HKDC1: variants seen among roughly 807,000 people sequenced by gnomAD.
HKDC1 encodes hexokinase domain containing 1.
Under a neutral mutation model 96.6 loss-of-function variants are expected in HKDC1, and 66 were observed. The ratio of observed to expected loss-of-function variants is 0.68; its 90% CI spans 0.56 to 0.84. The LOEUF (loss-of-function observed/expected upper bound fraction) is 0.84, where lower values mean the gene tolerates loss of function less well. HKDC1 is among the 40% of genes least tolerant of loss of function. The probability of loss-of-function intolerance (pLI) is 0.00; values close to 1 mark genes in which losing one functional copy is unlikely to be tolerated. For synonymous variants in HKDC1, 466 were observed against 473.1 expected, an observed-to-expected ratio of 0.98 and a Z score of 0.20; for missense variants, 1,211 against 1,208.1, an observed-to-expected ratio of 1.00 and a Z score of -0.04.
intron 15 of HKDC1, among the ~76,000 whole-genome samples, chr10:69,259,381 G>A (rs902622772): frequency 6.6e-6 from 1 of 152,190 alleles, no homozygotes; most frequent in African/African-American, 2.4e-5. Flanking sequence ...GAGAGTGCTG[G>A]TTCTCGACCA....
intron 12 of HKDC1, among the ~76,000 whole-genome samples, chr10:69,252,973 C>T (rs1264914432): frequency 4.3e-5 from 6 of 140,272 alleles, no homozygotes; most frequent in Non-Finnish European, 7.8e-5. Context: ...CATCTCTAAA[C>T]GTGTGTGTGT....
In HKDC1 at chr10:69,265,837, C is replaced by A; in HGVS notation, c.2606+19C>A. On this transcript the variant is annotated intron_variant, in intron 17 of 17. Transcript: ENST00000354624. ...ACCCTCAGTGAGTGCCCACAAGAGG[C>A]GTGGCGGGTGGGGCTGGGGAGGGCT... 1 of 856,380 alleles carries A rather than the reference C, an allele frequency of 1.2e-6. No homozygotes were observed. The highest frequency in any genetic ancestry group is 1.8e-6 in the Non-Finnish European group (1 of 551,558). 53.0% of individuals were successfully genotyped at this position (856,380 alleles called of 1,614,324 possible).
At chr10:69,253,483 G>A (rs192565355) in intron 12 of HKDC1, among the ~76,000 whole-genome samples, 1 of 152,194 alleles carries the variant, frequency 6.6e-6, no homozygotes, top group African/African-American at 2.4e-5. Flanking sequence ...CTGGGGTTAT[G>A]GGCTCCTGTT....
At chr10:69,237,585 G>T (rs1045623445) in intron 4 of HKDC1, among the ~76,000 whole-genome samples, 9 of 152,152 alleles carry the variant, frequency 5.9e-5, no homozygotes, top group African/African-American at 2.2e-4. Flanking sequence ...GTATGTAATT[G>T]CCTTTTTAAT....
chr10:69,239,087 C>A lies in HKDC1; in HGVS notation c.541C>A (p.Gln181Lys). 1 of 1,613,954 alleles carries A rather than the reference C, an allele frequency of 6.2e-7. No homozygotes were observed. The highest frequency in any genetic ancestry group is 8.5e-7 in the Non-Finnish European group (1 of 1,179,876). ...AAAAAAGTTTAAGGCACGAGGAGTT[C>A]AGGACACGGATGTGGTGAGCCGTCT... ...WTKKFKARGV[Q>K]DTDVVSRLTK... The change falls in exon 5 of 18, where the codon CAG (glutamine) becomes AAG (lysine). Residue 181 changes from glutamine to lysine, a missense_variant. Coordinates refer to ENST00000354624, the MANE Select transcript of HKDC1 (RefSeq NM_025130.4).
At chr10:69,258,597 A>G (rs1395763510) in intron 14 of HKDC1, among the ~76,000 whole-genome samples, 179 bp from the exon 15 acceptor site, 1 of 152,216 alleles carries the variant, frequency 6.6e-6, no homozygotes, top group Non-Finnish European at 1.5e-5. Context: ...AGAAATGAAG[A>G]AACTGAGCCT....
At chr10:69,248,278 T>TC (rs1240800723) in intron 9 of HKDC1, 146 bp from the exon 10 acceptor site, 3 of 776,240 alleles carry the variant, frequency 3.9e-6, no homozygotes, top group Non-Finnish European at 6.0e-6. Flanking sequence ...CCTCCTCTCA[T>TC]CCCCTCCCCT....
chr10:69,240,730 T>C lies in HKDC1; in HGVS notation c.670T>C (p.Cys224Arg), dbSNP rs1252801346. ...GACCTGTGCCTATGACGACCCCTAC[T>C]GCGAAGTTGGTGTCATCATCGGTAA... ...MMTCAYDDPYCEVGVIIGTGT... is the reference protein window; with the variant it reads ...MMTCAYDDPYREVGVIIGTGT... The change falls in exon 6 of 18, where the codon TGC becomes CGC. Residue 224 changes from cysteine to arginine, a missense_variant. By Grantham distance (180) the Cys-to-Arg change is radical. Transcript: ENST00000354624. 6 of 1,614,040 alleles carry C rather than the reference T, an allele frequency of 3.7e-6. 1 individual carries two copies. The highest frequency in any genetic ancestry group is 5.1e-6 in the Non-Finnish European group (6 of 1,179,932).
At chr10:69,258,012 C>A (rs1011219754) in intron 14 of HKDC1, among the ~76,000 whole-genome samples, 3 of 152,128 alleles carry the variant, frequency 2.0e-5, no homozygotes, top group Non-Finnish European at 4.4e-5. Context: ...AGGTGATAGG[C>A]ACAGGCTAAG....
rs78582637 is a variant in HKDC1, at chr10:69,250,513, C to T, written c.1717-20C>T. 1.6e-4 allele frequency: 261 copies of T among 1,613,540 alleles called. No homozygotes were observed. Among genetic ancestry groups the T allele is most frequent in the Non-Finnish European group, 2.0e-4 (241 of 1,179,798 alleles). On this transcript the variant is annotated intron_variant, in intron 11 of 17. Coordinates refer to ENST00000354624, the MANE Select transcript of HKDC1 (RefSeq NM_025130.4). ...ATCGATGTCCGCCTGGTGTGAATGC[C>T]GCTCTCTCTCTCTCTGCAGCTCTTT...
At chr10:69,232,714 T>C in intron 2 of HKDC1, 50 bp from the exon 3 acceptor site, 1 of 1,550,028 alleles carries the variant, frequency 6.5e-7, no homozygotes, top group Non-Finnish European at 8.9e-7. Context: ...GAGCTTGCCA[T>C]ATCTGTAGTA....
In HKDC1 at chr10:69,234,594, T is replaced by C. The variant is rs569778228; in HGVS notation, c.495+1461T>C. Among the ~76,000 whole-genome samples the C allele has an allele frequency of 3.9e-5, 6 of 152,350 alleles. 1 individual carries two copies. The South Asian group carries it at 8.3e-4, about 21-fold the overall frequency. On this transcript the variant is annotated intron_variant, in intron 4 of 17. Transcript: ENST00000354624. ...GTAAAGCAGGGATAATAACATCTGC[T>C]TGTTGGGCTGAGGTGAAGCTTAGGC...
intron 4 of HKDC1, among the ~76,000 whole-genome samples, chr10:69,235,356 A>T (rs1843344582): frequency 6.7e-6 from 1 of 149,752 alleles, no homozygotes; most frequent in African/African-American, 2.6e-5. Context: ...CACAAGGTGG[A>T]GGTTGTGGTG....
intron 2 of HKDC1, among the ~76,000 whole-genome samples, chr10:69,231,139 C>T (rs541172993): frequency 2.0e-5 from 3 of 152,306 alleles, no homozygotes; most frequent in South Asian, 4.1e-4. Flanking sequence ...GATGCCTCCA[C>T]ACCGACACTG....
In HKDC1 at chr10:69,253,849, G is replaced by T. The variant is rs1278147319; in HGVS notation, c.1837-3187G>T. ...TCACAGACAGACTCACCAGCTTGTGGAGAGGAGCTCTGTCTTTCTGACAGA... is the reference window on the plus strand; with the variant it reads ...TCACAGACAGACTCACCAGCTTGTGTAGAGGAGCTCTGTCTTTCTGACAGA... On this transcript the variant is annotated intron_variant, in intron 12 of 17. Transcript: ENST00000354624. Among the ~76,000 whole-genome samples the T allele has an allele frequency of 2.0e-5, 3 of 152,218 alleles. No individual in the cohort carries two copies. The East Asian group carries it at 5.8e-4, about 29-fold the overall frequency.
intron 4 of HKDC1, among the ~76,000 whole-genome samples, chr10:69,233,998 G>A (rs1238172447): frequency 1.3e-5 from 2 of 152,048 alleles, no homozygotes; most frequent in African/African-American, 4.8e-5. Context: ...CAGCTAGGCC[G>A]GGGTTCCTGG....
rs140467903 is a variant in HKDC1 at position 69,233,209 on chromosome 10, C to T, written c.495+76C>T. Reference sequence around the variant, plus strand: ...GGGCACGGGTGGGAGTCAGGCTGCACGCAGGAGAGAACAGCAGGAGCTTTC... The same window carrying T: ...GGGCACGGGTGGGAGTCAGGCTGCATGCAGGAGAGAACAGCAGGAGCTTTC... On this transcript the variant is annotated intron_variant, in intron 4 of 17. Transcript: ENST00000354624. 44 of 1,576,694 alleles carry T rather than the reference C, an allele frequency of 2.8e-5. 1 individual carries two copies. The East Asian group carries it at 6.0e-4, about 22-fold the overall frequency.
intron 1 of HKDC1, chr10:69,222,816 T>C (rs1312118486): frequency 6.6e-6 from 1 of 152,194 alleles, no homozygotes; most frequent in East Asian, 1.9e-4. Flanking sequence ...GACTGGTTTA[T>C]GGCTGCTGGG....
chr10:69,258,350 C>T (rs1473638089), intron 14 of HKDC1, among the ~76,000 whole-genome samples: 2 of 152,096 alleles, frequency 1.3e-5, no homozygotes, highest in African/African-American at 4.8e-5. Context: ...GAGGGTGGCT[C>T]ACAGATGCCA....
Sources: gnomAD v4.1 joint callset for allele counts (sites outside exome capture counted in the v4.1 genomes callset) on GRCh38, gnomAD v4.1.1 for gene constraint, MANE v1.5 for transcripts, NCBI Gene and HGNC (gene_info 2026-07-23, HGNC 2026-07-21) for gene names.